Variants in SLFN5 observed in about 807,000 individuals in gnomAD.
SLFN5 encodes schlafen family member 5.
Under a neutral mutation model 48.5 loss-of-function variants are expected in SLFN5, and 34 were observed. The ratio of observed to expected loss-of-function variants is 0.70; its 90% CI spans 0.53 to 0.93. The LOEUF is 0.93. Among genes scored for constraint, SLFN5 ranks in the 40% least tolerant of loss-of-function variants. The pLI is 0.00. For missense variants in SLFN5, 1,006 were observed against 1,071.3 expected (o/e 0.94, Z 0.85); for synonymous variants, 387 against 396.2 (o/e 0.98, Z 0.28).
rs1904681842 is a variant in SLFN5, at chr17:35,266,154, G to GTT, written c.*267_*268insTT. The GTT allele has an allele frequency of 3.8e-6, 1 of 264,058 alleles. No individual in the cohort carries two copies. Among genetic ancestry groups the GTT allele is most frequent in the Non-Finnish European group, 7.0e-6 (1 of 142,344 alleles). The allele number at this position is 264,058 out of a possible 1,614,324, so 16.4% of individuals were successfully genotyped here. ...GTGAGACTCAGAGATGTGTGTGTGT[G>GTT]TGTGTGTGTGTGTGTGTGTGTGTGC... is the stretch of plus-strand genomic sequence containing the variant. On this transcript the variant is annotated 3_prime_UTR_variant, in exon 5 of 5. Transcript: ENST00000299977.
chr17:35,251,439 T>C (rs1410254894), intron 1 of SLFN5, among the ~76,000 whole-genome samples: 1 of 152,232 alleles, frequency 6.6e-6, no homozygotes, highest in Non-Finnish European at 1.5e-5. Flanking sequence ...GGAGTCTCGC[T>C]CTGTCACCCA....
In SLFN5 at chr17:35,264,922, T is replaced by G. The variant is rs1904630815; in HGVS notation, c.1859+19T>G. The G allele has an allele frequency of 1.3e-6, 2 of 1,541,706 alleles. No homozygotes were observed. Among genetic ancestry groups the G allele is most frequent in the South Asian group, 2.6e-5 (2 of 76,068 alleles). ...TGGTGAGGTATGCTGCTTGTCTGTG[T>G]TCACTTTATTTTCTTGAGTGACTGT... On this transcript the variant is annotated intron_variant, in intron 4 of 4. Coordinates refer to ENST00000299977, the MANE Select transcript of SLFN5 (RefSeq NM_144975.4).
chr17:35,250,658 CA>C (rs58089633), intron 1 of SLFN5, among the ~76,000 whole-genome samples: 185 of 134,124 alleles, frequency 1.4e-3, no homozygotes, highest in Middle Eastern at 3.8e-3. Flanking sequence ...AGACTCATCT[CA>C]AAAAAAAAAA....
chr17:35,248,161 A>G lies in SLFN5; in HGVS notation c.-41+5018A>G, dbSNP rs139253117. Among the ~76,000 whole-genome samples, 1,407 of 152,076 alleles carry G rather than the reference A, an allele frequency of 9.3e-3. 12 individuals are homozygous for G. Among genetic ancestry groups the G allele is most frequent in the Non-Finnish European group, 0.015 (1,004 of 67,974 alleles). ...CACTAGCTCATGCACCTACCTTCCT[A>G]CCTTCCTAATGGCATAACTCCAAGG... On this transcript the variant is annotated intron_variant, in intron 1 of 4. Coordinates refer to ENST00000299977, the MANE Select transcript of SLFN5 (RefSeq NM_144975.4).
rs1490086928 is a variant in SLFN5 at position 35,259,136 on chromosome 17, T to A, written c.446T>A (p.Val149Asp). 1 of 1,614,026 alleles carries A rather than the reference T, an allele frequency of 6.2e-7. No homozygotes were observed. The highest frequency in any genetic ancestry group is 1.3e-5 in the African/African-American group (1 of 74,888). Reference sequence around the variant, plus strand: ...ACTCAGACTCCAACGAATATTAATGTTTCCAATTCATTAGGTCCACAGGCA... The same window carrying A: ...ACTCAGACTCCAACGAATATTAATGATTCCAATTCATTAGGTCCACAGGCA... ...CRTQTPTNIN[V>D]SNSLGPQAAQ... Residue 149 changes from valine to aspartate, a missense_variant, in exon 2 of 5, where the codon GTT becomes GAT. Transcript: ENST00000299977.
In SLFN5 at chr17:35,261,002, G is replaced by A. The variant is rs769170154; in HGVS notation, c.1044G>A (p.Gln348=). ...DLSRCPEMVL[Q]LSLSSATPRS... is the part of the protein sequence containing the mutation. ...CCAGGTGTCCTGAGATGGTTCTCCAGTTGAGTTTGTCATCTGCCACGCCCC... is the reference window on the plus strand; with the variant it reads ...CCAGGTGTCCTGAGATGGTTCTCCAATTGAGTTTGTCATCTGCCACGCCCC... Residue 348 remains glutamine, a synonymous_variant, in exon 3 of 5, where the codon CAG becomes CAA. Coordinates refer to ENST00000299977, the MANE Select transcript of SLFN5 (RefSeq NM_144975.4). The A allele has an allele frequency of 2.5e-6, 4 of 1,613,980 alleles. No homozygotes were observed. In the South Asian group the frequency reaches 4.4e-5, roughly 18 times the overall value.
At position 35,259,016 on chromosome 17, in the gene SLFN5, C is replaced by T; in HGVS notation, c.326C>T (p.Pro109Leu). ...VKSWNTEAGV[P>L]LATLCSNLYH... ...TCATGGAACACAGAGGCTGGTGTGCCACTTGCTACCTTATGCTCCAATTTG... is the reference window on the plus strand; with the variant it reads ...TCATGGAACACAGAGGCTGGTGTGCTACTTGCTACCTTATGCTCCAATTTG... The change falls in exon 2 of 5, where the codon CCA (proline) becomes CTA (leucine). Residue 109 changes from proline to leucine, a missense_variant. Pro to Leu is a moderately conservative substitution (Grantham distance 98). Transcript: ENST00000299977. 6.2e-7 allele frequency: 1 copy of T among 1,614,086 alleles called. No homozygotes were observed. Among genetic ancestry groups the T allele is most frequent in the African/African-American group, 1.3e-5 (1 of 75,008 alleles).
chr17:35,267,773 G>A lies in SLFN5; in HGVS notation c.*1885G>A, dbSNP rs1047571901. ...AAGAATTTAAAAGTTTTATATAAAG[G>A]CATAGCTACTATCTCATCTGCCCAG... is the stretch of plus-strand genomic sequence containing the variant. On this transcript the variant is annotated 3_prime_UTR_variant, in exon 5 of 5. Transcript: ENST00000299977. 9 of 152,144 alleles carry A rather than the reference G, an allele frequency of 5.9e-5. No individual in the cohort carries two copies. The East Asian group carries it at 1.2e-3, about 20-fold the overall frequency. 9.4% of individuals were successfully genotyped at this position (152,144 alleles called of 1,614,324 possible).
intron 1 of SLFN5, among the ~76,000 whole-genome samples, chr17:35,243,564 A>G (rs1299280584): frequency 1.3e-5 from 2 of 152,232 alleles, no homozygotes; most frequent in Non-Finnish European, 2.9e-5. Context: ...TGTCCAGTCT[A>G]TTACAAGAGG....
At chr17:35,248,949 C>T (rs942291912) in intron 1 of SLFN5, among the ~76,000 whole-genome samples, 8 of 152,002 alleles carry the variant, frequency 5.3e-5, no homozygotes, top group African/African-American at 1.2e-4. Flanking sequence ...ATAGTAAATC[C>T]GAGGGTTTTA....
chr17:35,254,445 A>C (rs2092450036), intron 1 of SLFN5, among the ~76,000 whole-genome samples: 1 of 152,168 alleles, frequency 6.6e-6, no homozygotes, highest in Admixed American at 6.5e-5. Context: ...TGTTTCCTGC[A>C]TCCACTTTTT....
At chr17:35,255,353 A>G (rs11867163) in intron 1 of SLFN5, among the ~76,000 whole-genome samples, 51,237 of 152,234 alleles carry the variant, frequency 0.34, 10,265 homozygotes, top group Middle Eastern at 0.51. Context: ...CATTGAGCAC[A>G]TATTACTTTT....
chr17:35,255,604 T>C (rs546349165), intron 1 of SLFN5, among the ~76,000 whole-genome samples: 1 of 152,328 alleles, frequency 6.6e-6, no homozygotes, highest in South Asian at 2.1e-4. Flanking sequence ...AGGGAACCAT[T>C]GTCTGCCTGA....
At chr17:35,247,950 G>C (rs2092434448) in intron 1 of SLFN5, among the ~76,000 whole-genome samples, 1 of 152,112 alleles carries the variant, frequency 6.6e-6, no homozygotes, top group African/African-American at 2.4e-5. Flanking sequence ...GCTTTCTCTG[G>C]TTTTCTGCCT....
In SLFN5 at chr17:35,260,848, A is replaced by G. The variant is rs781261169; in HGVS notation, c.1013-123A>G. ...TTTCCTGAGCTGACCTGAGATGTAA[A>G]GGCAAGTATCTGTGGGCCGTGGCTT... On this transcript the variant is annotated intron_variant, in intron 2 of 4. Coordinates refer to ENST00000299977, the MANE Select transcript of SLFN5 (RefSeq NM_144975.4). 723 of 1,236,184 alleles carry G rather than the reference A, an allele frequency of 5.8e-4. 9 individuals are homozygous for G. The highest frequency in any genetic ancestry group is 3.2e-4 in the African/African-American group (21 of 66,198). 76.6% of individuals were successfully genotyped at this position (1,236,184 alleles called of 1,614,324 possible).
In SLFN5 at chr17:35,255,070, A is replaced by G. The variant is rs574124678; in HGVS notation, c.-40-3581A>G. Reference sequence around the variant, plus strand: ...ATTTCTGGATTTTAAAAAACTCACTATTGTTTTTCAATAATCTATGAGGGG... The same window carrying G: ...ATTTCTGGATTTTAAAAAACTCACTGTTGTTTTTCAATAATCTATGAGGGG... On this transcript the variant is annotated intron_variant, in intron 1 of 4. Coordinates refer to ENST00000299977, the MANE Select transcript of SLFN5 (RefSeq NM_144975.4). 2.8e-4 allele frequency among the ~76,000 whole-genome samples: 42 copies of G among 152,246 alleles called. No homozygotes were observed. In the South Asian group the frequency reaches 5.4e-3, roughly 20 times the overall value.
At position 35,264,787 on chromosome 17, in the gene SLFN5, A is replaced by G. The variant is rs1046796750; in HGVS notation, c.1743A>G (p.Gly581=). The change falls in exon 4 of 5, where the codon GGA becomes GGG. Residue 581 remains glycine (G), a synonymous_variant. Transcript: ENST00000299977. ...TRELFVHGLP[G]SGKTILALRI... is the part of the protein sequence containing the mutation. ...AGTTGTTTGTTCATGGCTTACCTGGATCAGGGAAGACTATCTTGGCTCTTA... is the reference window on the plus strand; with the variant it reads ...AGTTGTTTGTTCATGGCTTACCTGGGTCAGGGAAGACTATCTTGGCTCTTA... The G allele has an allele frequency of 6.3e-7, 1 of 1,597,416 alleles. No individual in the cohort carries two copies. The highest frequency in any genetic ancestry group is 1.3e-5 in the African/African-American group (1 of 74,100).
chr17:35,271,584 A>T lies in SLFN5; in HGVS notation c.*5696A>T, dbSNP rs147876692. 175 of 152,348 alleles carry T rather than the reference A, an allele frequency of 1.1e-3. No homozygotes were observed. Among genetic ancestry groups the T allele is most frequent in the African/African-American group, 4.0e-3 (167 of 41,590 alleles). The allele number at this position is 152,348 out of a possible 1,614,324, so 9.4% of individuals were successfully genotyped here. ...ATACAATGAAACTAAAGAGCACAAAAAAGAACTTAAACAGATAAAAAGCAG... is the reference window on the plus strand; with the variant it reads ...ATACAATGAAACTAAAGAGCACAAATAAGAACTTAAACAGATAAAAAGCAG... On this transcript the variant is annotated 3_prime_UTR_variant, in exon 5 of 5. Coordinates refer to ENST00000299977, the MANE Select transcript of SLFN5 (RefSeq NM_144975.4).
rs535190593 is a variant in SLFN5 at position 35,272,631 on chromosome 17, C to T, written c.*6743C>T. On this transcript the variant is annotated 3_prime_UTR_variant, in exon 5 of 5. Transcript: ENST00000299977. ...AAAAGAATTGCAATGAATATCACAGCCAAATAGTTAATTTCTTATTTTCAA... is the reference window on the plus strand; with the variant it reads ...AAAAGAATTGCAATGAATATCACAGTCAAATAGTTAATTTCTTATTTTCAA... 4 of 152,176 alleles carry T rather than the reference C, an allele frequency of 2.6e-5. No individual in the cohort carries two copies. The East Asian group carries it at 5.8e-4, about 22-fold the overall frequency. The allele number at this position is 152,176 out of a possible 1,614,324, so 9.4% of individuals were successfully genotyped here. A position where few individuals can be genotyped will look rare whatever the true frequency, so the allele number is the denominator to read the frequency against.
Sources: allele counts gnomAD v4.1 joint callset (sites outside exome capture counted in the v4.1 genomes callset), GRCh38; gene constraint gnomAD v4.1.1; transcripts MANE v1.5; gene names NCBI Gene and HGNC (gene_info 2026-07-23, HGNC 2026-07-21).